ABCA13: variants seen among roughly 807,000 people sequenced by gnomAD.
ABCA13 encodes ATP-binding cassette sub-family A member 13.
ABCA13 carries 476 observed loss-of-function variants against 478.7 expected under a neutral mutation model. That is an observed-to-expected ratio of 0.99 (90% CI 0.92 to 1.07). ABCA13 has a LOEUF of 1.07. Ranked by LOEUF, ABCA13 falls within the 50% of genes least tolerant of loss-of-function variation. The pLI, the probability that ABCA13 is intolerant of heterozygous loss-of-function variation, is 0.00. For missense variants in ABCA13, 6,060 were observed against 5,910.6 expected, an observed-to-expected ratio of 1.03 and a Z score of -0.83; for synonymous variants, 2,252 against 2,158.9, an observed-to-expected ratio of 1.04 and a Z score of -1.20.
At chr7:48,363,426 C>G (rs546342936) in intron 31 of ABCA13, among the ~76,000 whole-genome samples, 171 of 152,136 alleles carry the variant, frequency 1.1e-3, no homozygotes, top group African/African-American at 4.0e-3. Context: ...CATTGTTGAA[C>G]ATTCTAGGAC....
intron 45 of ABCA13, among the ~76,000 whole-genome samples, chr7:48,473,450 G>C (rs1384938117): frequency 1.3e-5 from 2 of 152,218 alleles, no homozygotes; most frequent in Non-Finnish European, 2.9e-5. Context: ...TATGTTTGCA[G>C]CCCGAACTTT....
chr7:48,230,022 A>G lies in ABCA13; in HGVS notation c.763+67A>G, dbSNP rs943294218. The G allele has an allele frequency of 4.5e-5, 68 of 1,504,270 alleles. 1 individual carries two copies. In the South Asian group the frequency reaches 8.6e-4, roughly 19 times the overall value. 93.2% of individuals were successfully genotyped at this position (1,504,270 alleles called of 1,614,324 possible). A position where few individuals can be genotyped will look rare whatever the true frequency, so the allele number is the denominator to read the frequency against. On this transcript the variant is annotated intron_variant, in intron 7 of 61. Coordinates refer to ENST00000435803, the MANE Select transcript of ABCA13 (RefSeq NM_152701.5). Reference sequence around the variant, plus strand: ...AACTACTTAAATTCATTGACAGTTGACATAGAGCTAAAATGATGTTCAAAA... The same window carrying G: ...AACTACTTAAATTCATTGACAGTTGGCATAGAGCTAAAATGATGTTCAAAA...
chr7:48,324,433 G>A (rs1265563376), intron 27 of ABCA13, among the ~76,000 whole-genome samples: 2 of 152,126 alleles, frequency 1.3e-5, no homozygotes, highest in Non-Finnish European at 2.9e-5. Context: ...GAAATATCGA[G>A]GGTTAAGACT....
chr7:48,332,459 C>A (rs1805563391), intron 27 of ABCA13, among the ~76,000 whole-genome samples: 1 of 152,158 alleles, frequency 6.6e-6, no homozygotes, highest in African/African-American at 2.4e-5. Flanking sequence ...GGTCCCTTTA[C>A]CTTCTCTGCT....
intron 55 of ABCA13, among the ~76,000 whole-genome samples, chr7:48,558,689 C>G (rs1786124668): frequency 6.6e-6 from 1 of 152,086 alleles, no homozygotes; most frequent in South Asian, 2.1e-4. Context: ...ATTCTGAATT[C>G]CTTCTCTATG....
At chr7:48,467,711 GC>G (rs1318511102) in intron 44 of ABCA13, among the ~76,000 whole-genome samples, 1 of 152,162 alleles carries the variant, frequency 6.6e-6, no homozygotes, top group Non-Finnish European at 1.5e-5. Context: ...TCTGGGTAGA[GC>G]AAATGAGGCA....
At chr7:48,284,481 G>A (rs1797459439) in intron 19 of ABCA13, among the ~76,000 whole-genome samples, 1 of 152,164 alleles carries the variant, frequency 6.6e-6, no homozygotes, top group Non-Finnish European at 1.5e-5. Flanking sequence ...ATTTGGAAGT[G>A]TGCTCAGGTA....
chr7:48,456,818 T>C (rs1307545556), intron 43 of ABCA13, among the ~76,000 whole-genome samples: 5 of 150,742 alleles, frequency 3.3e-5, no homozygotes, highest in Admixed American at 2.6e-4. Context: ...GTTTTTTTTT[T>C]CCTATTATAG....
intron 59 of ABCA13, among the ~76,000 whole-genome samples, chr7:48,626,056 G>A (rs1431204073): frequency 6.6e-6 from 1 of 152,198 alleles, no homozygotes; most frequent in South Asian, 2.1e-4. Context: ...ACTGGTGAAC[G>A]AAATGCTGTG....
intron 58 of ABCA13, among the ~76,000 whole-genome samples, chr7:48,604,218 GTCTC>G: frequency 6.6e-6 from 1 of 152,166 alleles, no homozygotes; most frequent in East Asian, 1.9e-4. Flanking sequence ...GATTTGTTGT[GTCTC>G]TATCTCCTTC....
At position 48,455,264 on chromosome 7, in the gene ABCA13, C is replaced by T; in HGVS notation, c.12793C>T (p.Arg4265Trp). Residue 4265 changes from arginine (R) to tryptophan (W), a missense_variant, in exon 43 of 62, where the codon CGG becomes TGG. Transcript: ENST00000435803. ...PLRLTPGHYQRAETYFFSSGG... is the reference protein window; with the variant it reads ...PLRLTPGHYQWAETYFFSSGG... Reference sequence around the variant, plus strand: ...CAGACTCACACCTGGACATTACCAGCGGGCCGAGACCTACTTTTTCAGGTA... The same window carrying T: ...CAGACTCACACCTGGACATTACCAGTGGGCCGAGACCTACTTTTTCAGGTA... 6.2e-7 allele frequency: 1 copy of T among 1,605,222 alleles called. No homozygotes were observed. Among genetic ancestry groups the T allele is most frequent in the Non-Finnish European group, 8.5e-7 (1 of 1,175,906 alleles).
chr7:48,294,425 G>GT (rs370890353), intron 20 of ABCA13, among the ~76,000 whole-genome samples: 349 of 80,310 alleles, frequency 4.3e-3, no homozygotes, highest in Admixed American at 6.4e-3. Context: ...GTTTCTATGG[G>GT]TTTTTTTTTT....
intron 55 of ABCA13, among the ~76,000 whole-genome samples, chr7:48,531,797 T>C (rs1833257003): frequency 1.3e-5 from 2 of 151,136 alleles, no homozygotes; most frequent in African/African-American, 4.8e-5. Flanking sequence ...TGATTCTCCG[T>C]TTGGTTGCTT....
intron 23 of ABCA13, among the ~76,000 whole-genome samples, chr7:48,304,001 G>A (rs1320021448): frequency 6.6e-6 from 1 of 152,104 alleles, no homozygotes; most frequent in Admixed American, 6.5e-5. Context: ...ATCATTAAAA[G>A]AAAATGACTT....
intron 29 of ABCA13, among the ~76,000 whole-genome samples, chr7:48,344,375 AAATTTCAG>A (rs1182610951): frequency 6.6e-6 from 1 of 152,216 alleles, no homozygotes; most frequent in Non-Finnish European, 1.5e-5. Context: ...TCTTGAAAAC[AAATTTCAG>A]GAGGAGACAC....
chr7:48,342,276 T>C (rs978654961), intron 29 of ABCA13, among the ~76,000 whole-genome samples: 4 of 152,164 alleles, frequency 2.6e-5, no homozygotes, highest in African/African-American at 9.7e-5. Flanking sequence ...TCCTGCATTG[T>C]TGGGTGCCGT....
At chr7:48,378,052 T>G (rs781178830) in intron 35 of ABCA13, among the ~76,000 whole-genome samples, 48 of 152,204 alleles carry the variant, frequency 3.2e-4, no homozygotes, top group Non-Finnish European at 5.7e-4. Flanking sequence ...AAAGGAACAT[T>G]GTATTCAGCT....
intron 47 of ABCA13, 39 bp from the exon 48 acceptor site, chr7:48,489,197 A>C (rs770409828): frequency 6.7e-7 from 1 of 1,501,176 alleles, no homozygotes; most frequent in Non-Finnish European, 9.2e-7. Flanking sequence ...CTTACGAGCT[A>C]ATTTCGTGAG....
intron 27 of ABCA13, among the ~76,000 whole-genome samples, chr7:48,330,485 GTCCATCCATCCA>G (rs374882823): frequency 4.4e-5 from 6 of 134,854 alleles, no homozygotes; most frequent in Non-Finnish European, 6.3e-5. Context: ...CCATCCATCC[GTCCATCCATCCA>G]TCCATCCATC....
Sources: allele counts gnomAD v4.1 joint callset (sites outside exome capture counted in the v4.1 genomes callset), GRCh38; gene constraint gnomAD v4.1.1; transcripts MANE v1.5; gene names NCBI Gene and HGNC (gene_info 2026-07-23, HGNC 2026-07-21).